The following DOCK6 variants were observed in gnomAD, a reference collection of about 807,000 sequenced individuals.
DOCK6 encodes the protein dedicator of cytokinesis protein 6.
A neutral mutation model predicts 230.3 loss-of-function variants in DOCK6; 167 were observed. That is an observed-to-expected ratio of 0.73 (90% CI 0.64 to 0.82). The LOEUF (loss-of-function observed/expected upper bound fraction) is 0.82, where lower values mean the gene tolerates loss of function less well. DOCK6 is among the 40% of genes least tolerant of loss of function. DOCK6 has a pLI of 0.00. For missense variants in DOCK6, 2,598 were observed against 2,825.8 expected (o/e 0.92, Z 1.83); for synonymous variants, 1,148 against 1,185.0 (o/e 0.97, Z 0.64).
intron 9 of DOCK6, 59 bp downstream of exon 9, chr19:11,245,504 C>T: frequency 6.8e-7 from 1 of 1,470,708 alleles, no homozygotes; most frequent in Non-Finnish European, 9.3e-7. Flanking sequence ...TCTGTGAAGG[C>T]AGGGACTAAA....
In DOCK6 at chr19:11,202,453, C is replaced by T. The variant is rs777045210; in HGVS notation, c.5392G>A (p.Val1798Ile). 6.2e-6 allele frequency: 10 copies of T among 1,613,512 alleles called. No homozygotes were observed. Among genetic ancestry groups the T allele is most frequent in the Middle Eastern group, 1.6e-4 (1 of 6,062 alleles). ...EFYTERFGDD[V>I]VEIIKDSNPV... is the part of the protein sequence containing the mutation. ...TTAGAGTCTTTGATAATCTCAACGACGTCGTCGCCAAATCTCTCCGTGTAG... is the reference window on the plus strand; with the variant it reads ...TTAGAGTCTTTGATAATCTCAACGATGTCGTCGCCAAATCTCTCCGTGTAG... The change falls in exon 43 of 48, where the codon GTC becomes ATC. Residue 1798 changes from valine (V) to isoleucine (I), a missense_variant. Transcript: ENST00000294618. The surrounding 1 kb of genome is among the most constrained non-coding windows in gnomAD (Gnocchi z 5.3).
At chr19:11,232,992 C>G (rs2079791900) in intron 22 of DOCK6, among the ~76,000 whole-genome samples, 1 of 152,120 alleles carries the variant, frequency 6.6e-6, no homozygotes, top group South Asian at 2.1e-4. Context: ...GCCACCCATC[C>G]TCGGGTCAGT....
At position 11,208,951 on chromosome 19, in the gene DOCK6, T is replaced by A; in HGVS notation, c.4904A>T (p.Glu1635Val). 1 of 1,599,064 alleles carries A rather than the reference T, an allele frequency of 6.3e-7. No individual in the cohort carries two copies. The change falls in exon 38 of 48, where the codon GAG becomes GTG. Residue 1635 changes from glutamate (E) to valine (V), a missense_variant. Transcript: ENST00000294618. Reference sequence around the variant, plus strand: ...GCCCACGGGCAGGTGGCGGTGGTCCTCGAGCAGGGCGAGGTACTCAGCCAC... The same window carrying A: ...GCCCACGGGCAGGTGGCGGTGGTCCACGAGCAGGGCGAGGTACTCAGCCAC... ...ALVAEYLALL[E>V]DHRHLPVGCV...
intron 6 of DOCK6, among the ~76,000 whole-genome samples, chr19:11,249,086 CAT>C (rs907584091): frequency 2.0e-5 from 3 of 152,024 alleles, no homozygotes; most frequent in African/African-American, 7.2e-5. Context: ...TAAAAATAGA[CAT>C]ATGTGGTAGG....
At chr19:11,206,588 G>T (rs950932196) in intron 39 of DOCK6, among the ~76,000 whole-genome samples, 3 of 151,616 alleles carry the variant, frequency 2.0e-5, no homozygotes, top group Non-Finnish European at 2.9e-5. Context: ...AAAGAAAAAA[G>T]AGACTTAGGA....
chr19:11,246,267 T>C lies in DOCK6; in HGVS notation c.807-389A>G, dbSNP rs150076901. Among the ~76,000 whole-genome samples the C allele has an allele frequency of 6.0e-3, 920 of 152,084 alleles. 8 individuals are homozygous for C. Among genetic ancestry groups the C allele is most frequent in the African/African-American group, 0.021 (887 of 41,496 alleles). Reference sequence around the variant, plus strand: ...GTTTTTAGTAGAGACAGGGTTTCTATGTATGTATTTATTTATTATATAGAG... The same window carrying C: ...GTTTTTAGTAGAGACAGGGTTTCTACGTATGTATTTATTTATTATATAGAG... On this transcript the variant is annotated intron_variant, in intron 7 of 47. Coordinates refer to ENST00000294618, the MANE Select transcript of DOCK6 (RefSeq NM_020812.4).
intron 22 of DOCK6, among the ~76,000 whole-genome samples, chr19:11,229,798 C>G (rs2147807522): frequency 6.6e-6 from 1 of 151,492 alleles, no homozygotes; most frequent in South Asian, 2.1e-4. Context: ...GGCAGGAAGA[C>G]TGCTCAAACC....
At chr19:11,225,242 A>G (rs796289335) in intron 24 of DOCK6, among the ~76,000 whole-genome samples, 4 of 152,090 alleles carry the variant, frequency 2.6e-5, no homozygotes, top group African/African-American at 9.6e-5. Context: ...AAAAAAGTGG[A>G]TTATCACAGG....
In DOCK6 at chr19:11,200,367, C is replaced by T; in HGVS notation, c.6042G>A (p.Leu2014=). 6.3e-7 allele frequency: 1 copy of T among 1,591,794 alleles called. No individual in the cohort carries two copies. Among genetic ancestry groups the T allele is most frequent in the Non-Finnish European group, 8.6e-7 (1 of 1,169,490 alleles). Residue 2014 remains leucine (L), a synonymous_variant, in exon 47 of 48, where the codon CTG becomes CTA. Coordinates refer to ENST00000294618, the MANE Select transcript of DOCK6 (RefSeq NM_020812.4). The surrounding 1 kb of genome is among the most constrained non-coding windows in gnomAD (Gnocchi z 4.3). ...GCAGGCGCTGGGTAAGCAGGGGCTG[C>T]AGAGCCTCCCGCAGGCGGCAGTAGT... ...ERNYCRLREA[L]QPLLTQRLPQ... is the part of the protein sequence containing the mutation.
At chr19:11,242,376 C>T (rs917862014) in intron 13 of DOCK6, among the ~76,000 whole-genome samples, 169 bp from the exon 14 acceptor site, 4 of 151,930 alleles carry the variant, frequency 2.6e-5, no homozygotes, top group Admixed American at 1.3e-4. Context: ...CTGTCTGTCA[C>T]CCTAAATTTT....
intron 32 of DOCK6, among the ~76,000 whole-genome samples, chr19:11,214,942 A>G (rs1217284147): frequency 7.9e-6 from 1 of 127,128 alleles, no homozygotes; most frequent in African/African-American, 3.0e-5. Context: ...TGCCTGGCTA[A>G]TTTTTTTTTT....
chr19:11,220,173 C>T (rs910717542), intron 28 of DOCK6, among the ~76,000 whole-genome samples: 2 of 152,026 alleles, frequency 1.3e-5, no homozygotes, highest in African/African-American at 4.8e-5. Context: ...AGGCTGGTCT[C>T]GATCTCCTGA....
intron 28 of DOCK6, chr19:11,221,535 C>T (rs1276813338): frequency 3.4e-6 from 1 of 297,816 alleles, no homozygotes; most frequent in Non-Finnish European, 6.3e-6. Flanking sequence ...ACTTTTTGCT[C>T]TTCTTAGAAA....
chr19:11,208,842 A>C lies in DOCK6; in HGVS notation c.4945-13T>G, dbSNP rs1199142056. On this transcript the variant is annotated splice_polypyrimidine_tract_variant and intron_variant, in intron 38 of 47. Transcript: ENST00000294618. ...TGGATGAGATGTTCTGGGGTGGGAG[A>C]GGTGGCGTCAGACCCTGGTCCCCAC... The C allele has an allele frequency of 1.2e-6, 2 of 1,608,888 alleles. No homozygotes were observed. The highest frequency in any genetic ancestry group is 1.7e-6 in the Non-Finnish European group (2 of 1,175,840).
In DOCK6 at chr19:11,250,907, CG is replaced by C; in HGVS notation, c.686del (p.Pro229ArgfsTer72). 1.2e-6 allele frequency: 2 copies of C among 1,605,914 alleles called. No individual in the cohort carries two copies. The highest frequency in any genetic ancestry group is 2.2e-5 in the East Asian group (1 of 44,642). ...GTGCCGGGTAGAGGGTGAGCAGGGC[CG>C]GGGGCCGGTGCTGCCGTCGAAGGGT... ...NETLRRQHRP[P>X]ALLTLYPAPD... On this transcript the variant is annotated frameshift_variant, in exon 6 of 48. Coordinates refer to ENST00000294618, the MANE Select transcript of DOCK6 (RefSeq NM_020812.4). LOFTEE classifies it high-confidence loss of function.
At chr19:11,216,368 G>T (rs375273259) in intron 30 of DOCK6, among the ~76,000 whole-genome samples, 4 of 151,838 alleles carry the variant, frequency 2.6e-5, no homozygotes, top group Non-Finnish European at 4.4e-5. Flanking sequence ...GATTACAGGC[G>T]TGAGCCACCG....
chr19:11,221,158 C>T (rs186767203), intron 28 of DOCK6: 1 of 152,266 alleles, frequency 6.6e-6, no homozygotes, highest in Admixed American at 6.5e-5. Context: ...CGGATGGGGT[C>T]AACAGGACAC....
At position 11,243,270 on chromosome 19, in the gene DOCK6, G is replaced by A; in HGVS notation, c.1374C>T (p.Asn458=). 6.2e-7 allele frequency: 1 copy of A among 1,610,972 alleles called. No homozygotes were observed. The highest frequency in any genetic ancestry group is 8.5e-7 in the Non-Finnish European group (1 of 1,178,680). The stretch of plus-strand genomic sequence containing the variant: ...CAGGGTAGGACACCTGCTTAAAGAA[G>A]TTTGTGACAGTTAGCGTGGCTGGAC... ...GFRPATLTVT[N]FFKQEAERLS... The change falls in exon 12 of 48, where the codon AAC becomes AAT. Residue 458 remains asparagine (N), a synonymous_variant. Transcript: ENST00000294618. This position sits in a 1 kb window ranked among gnomAD's most constrained non-coding sequence, Gnocchi z 6.3.
At position 11,227,400 on chromosome 19, in the gene DOCK6, G is replaced by A. The variant is rs893427655; in HGVS notation, c.2892C>T (p.Phe964=). The change falls in exon 24 of 48, where the codon TTC becomes TTT. Residue 964 remains phenylalanine (F), a synonymous_variant. Coordinates refer to ENST00000294618, the MANE Select transcript of DOCK6 (RefSeq NM_020812.4). ...CCACCAAGGCAGTGATGTCGTCCAG[G>A]AAGCGTCCGGGGAAGCGCAGCTTGC... ...TPRKLRFPGR[F]LDDITALVGS... 6.2e-7 allele frequency: 1 copy of A among 1,613,776 alleles called. No homozygotes were observed. The highest frequency in any genetic ancestry group is 8.5e-7 in the Non-Finnish European group (1 of 1,179,872).
Sources: allele counts gnomAD v4.1 joint callset (sites outside exome capture counted in the v4.1 genomes callset), GRCh38; gene constraint gnomAD v4.1.1; non-coding constraint Gnocchi (gnomAD v3.1); transcripts MANE v1.5; gene names NCBI Gene and HGNC (gene_info 2026-07-23, HGNC 2026-07-21).